The following ADAMTS19 variants were observed in gnomAD, a reference collection of about 807,000 sequenced individuals.
ADAMTS19 encodes the protein A disintegrin and metalloproteinase with thrombospondin motifs 19.
In ADAMTS19, 93 loss-of-function variants were observed where a neutral mutation model predicts 153.3. The observed-to-expected ratio is 0.61, with a 90% CI of 0.51 to 0.72. ADAMTS19 has a LOEUF of 0.72. Among genes scored for constraint, ADAMTS19 ranks in the 30% least tolerant of loss-of-function variants. The pLI, the probability that ADAMTS19 is intolerant of heterozygous loss-of-function variation, is 0.00. For synonymous variants in ADAMTS19, 600 were observed against 556.6 expected (o/e 1.08, Z -1.10); for missense variants, 1,482 against 1,552.1 (o/e 0.95, Z 0.76).
intron 16 of ADAMTS19, among the ~76,000 whole-genome samples, chr5:129,675,841 C>T (rs1456786621): frequency 6.6e-6 from 1 of 151,970 alleles, no homozygotes; most frequent in Admixed American, 6.6e-5. Flanking sequence ...TCAGCCTGAC[C>T]AACATGGTAA....
At chr5:129,632,454 T>G (rs1228609694) in intron 10 of ADAMTS19, among the ~76,000 whole-genome samples, 4 of 151,992 alleles carry the variant, frequency 2.6e-5, no homozygotes, top group African/African-American at 4.8e-5. Flanking sequence ...TTTTAAGGAT[T>G]AAGAATGTAA....
chr5:129,508,546 T>C (rs1473643924), intron 2 of ADAMTS19, among the ~76,000 whole-genome samples: 1 of 152,044 alleles, frequency 6.6e-6, no homozygotes, highest in East Asian at 1.9e-4. Flanking sequence ...AATGCTTCAT[T>C]TTTCTCTAAC....
At chr5:129,668,123 G>A (rs1379151303) in intron 16 of ADAMTS19, among the ~76,000 whole-genome samples, 1 of 152,156 alleles carries the variant, frequency 6.6e-6, no homozygotes, top group Non-Finnish European at 1.5e-5. Flanking sequence ...GTGGCTGCCA[G>A]CATTCCTTCG....
intron 6 of ADAMTS19, among the ~76,000 whole-genome samples, chr5:129,535,235 T>C (rs1752370743): frequency 2.0e-5 from 3 of 152,298 alleles, no homozygotes; most frequent in Non-Finnish European, 4.4e-5. Context: ...ACAAAATCAA[T>C]GTGCAAAAAT....
At chr5:129,661,711 A>T (rs1190087583) in intron 15 of ADAMTS19, among the ~76,000 whole-genome samples, 1 of 152,184 alleles carries the variant, frequency 6.6e-6, no homozygotes, top group African/African-American at 2.4e-5. Context: ...AAATTTTCAG[A>T]GGAATAAAAG....
At chr5:129,665,603 GA>G in intron 16 of ADAMTS19, 24 bp downstream of exon 16, 26 of 1,570,736 alleles carry the variant, frequency 1.7e-5, no homozygotes, top group Non-Finnish European at 2.3e-5. Context: ...CAGACACAGA[GA>G]AGATCCAAGT....
chr5:129,668,033 G>A (rs2127088450), intron 16 of ADAMTS19, among the ~76,000 whole-genome samples: 1 of 152,150 alleles, frequency 6.6e-6, no homozygotes, highest in African/African-American at 2.4e-5. Context: ...GTTTCACTGG[G>A]CCAAAAATCA....
intron 7 of ADAMTS19, among the ~76,000 whole-genome samples, chr5:129,566,536 G>A (rs1753715665): frequency 6.6e-6 from 1 of 152,144 alleles, no homozygotes; most frequent in South Asian, 2.1e-4. Context: ...CAAACCAGCA[G>A]TGAGTTTATA....
chr5:129,592,377 C>CAAA (rs1169388973), intron 7 of ADAMTS19, among the ~76,000 whole-genome samples: 261 of 79,488 alleles, frequency 3.3e-3, no homozygotes, highest in African/African-American at 6.9e-3. Flanking sequence ...GTCTCCGTTT[C>CAAA]AAAAAAAAAA....
chr5:129,467,465 A>C (rs1179730703), intron 2 of ADAMTS19, among the ~76,000 whole-genome samples: 1 of 152,172 alleles, frequency 6.6e-6, no homozygotes, highest in African/African-American at 2.4e-5. Flanking sequence ...ACCAACCACA[A>C]AACTCAGCAT....
chr5:129,567,587 G>A (rs1402245232), intron 7 of ADAMTS19, among the ~76,000 whole-genome samples: 1 of 152,096 alleles, frequency 6.6e-6, no homozygotes. Flanking sequence ...CTGAATAGCG[G>A]CATGGAGCTG....
intron 15 of ADAMTS19, among the ~76,000 whole-genome samples, chr5:129,664,548 G>A (rs1174927336): frequency 2.0e-5 from 3 of 151,920 alleles, no homozygotes; most frequent in African/African-American, 4.8e-5. Context: ...CCACCAGGGG[G>A]GGTATATGCT....
intron 8 of ADAMTS19, among the ~76,000 whole-genome samples, chr5:129,613,941 A>G (rs1216396574): frequency 6.6e-6 from 1 of 152,204 alleles, no homozygotes; most frequent in Non-Finnish European, 1.5e-5. Context: ...TCTAGAAGAA[A>G]TGAATAAATT....
At chr5:129,494,786 C>A (rs1750872993) in intron 2 of ADAMTS19, among the ~76,000 whole-genome samples, 1 of 152,100 alleles carries the variant, frequency 6.6e-6, no homozygotes, top group African/African-American at 2.4e-5. Flanking sequence ...ATTGTGAATT[C>A]TTCTTTCTTT....
At chr5:129,671,241 G>T (rs1295848767) in intron 16 of ADAMTS19, among the ~76,000 whole-genome samples, 5 of 152,148 alleles carry the variant, frequency 3.3e-5, no homozygotes, top group Non-Finnish European at 7.4e-5. Flanking sequence ...AGCTTCCAGA[G>T]ACATTGAAGA....
At chr5:129,724,119 A>T (rs939447337) in intron 21 of ADAMTS19, among the ~76,000 whole-genome samples, 1 of 152,220 alleles carries the variant, frequency 6.6e-6, no homozygotes, top group Admixed American at 6.5e-5. Context: ...AAGATGCCAG[A>T]TTCTTAGTTA....
intron 6 of ADAMTS19, among the ~76,000 whole-genome samples, chr5:129,533,941 T>C (rs1271152731): frequency 2.0e-5 from 3 of 152,196 alleles, no homozygotes; most frequent in African/African-American, 4.8e-5. Context: ...TCTAGTTTGA[T>C]TGCACTGTGG....
At chr5:129,474,772 G>A (rs1487376104) in intron 2 of ADAMTS19, among the ~76,000 whole-genome samples, 1 of 152,050 alleles carries the variant, frequency 6.6e-6, no homozygotes, top group East Asian at 1.9e-4. Flanking sequence ...GTCTCTTTTG[G>A]ATTACATTTG....
chr5:129,658,347 A>AGAGAGAGAGAGAGAGAGAGAGAGAGAG (rs1554103336), intron 14 of ADAMTS19, among the ~76,000 whole-genome samples: 4 of 115,992 alleles, frequency 3.4e-5, no homozygotes, highest in African/African-American at 1.5e-4. Context: ...GAAAGAAAGA[A>AGAGAGAGAGAGAGAGAGAGAGAGAGAG]AGAAAGAAAG....
Sources: allele counts gnomAD v4.1 joint callset (sites outside exome capture counted in the v4.1 genomes callset), GRCh38; gene constraint gnomAD v4.1.1; transcripts MANE v1.5; gene names NCBI Gene and HGNC (gene_info 2026-07-23, HGNC 2026-07-21).